Variants in ABCA4 observed in about 807,000 individuals in gnomAD.
ABCA4 encodes the protein ATP binding cassette subfamily A member 4.
ABCA4 carries 196 observed loss-of-function variants against 263.7 expected under a neutral mutation model. That is an observed-to-expected ratio of 0.74 (90% confidence interval 0.66 to 0.84). The LOEUF is 0.84. Among genes scored for constraint, ABCA4 ranks in the 40% least tolerant of loss-of-function variants. The pLI is 0.00. For missense variants in ABCA4, 2,792 were observed against 2,855.1 expected (o/e 0.98, Z 0.50); for synonymous variants, 1,133 against 1,094.2 (o/e 1.04, Z -0.70).
Position 94,121,048 on chromosome 1 carries a change from T to C in ABCA4, c.-3A>G. Reference sequence around the variant, plus strand: ...TGTATCTGTCTCACGAAGCCCATGCTAATGACCACACGAAGACCAGATTGG... The same window carrying C: ...TGTATCTGTCTCACGAAGCCCATGCCAATGACCACACGAAGACCAGATTGG... On this transcript the variant is annotated 5_prime_UTR_variant, in exon 1 of 50. Coordinates refer to ENST00000370225, the MANE Select transcript of ABCA4 (RefSeq NM_000350.3). 6.2e-7 allele frequency: 1 copy of C among 1,614,154 alleles called. No individual in the cohort carries two copies. Among genetic ancestry groups the C allele is most frequent in the Non-Finnish European group, 8.5e-7 (1 of 1,180,034 alleles).
chr1:94,116,968 C>CCCTTTCTTTCTTTCTT (rs1662786208), intron 1 of ABCA4, among the ~76,000 whole-genome samples: 1 of 99,940 alleles, frequency 1.0e-5, no homozygotes, highest in Non-Finnish European at 2.0e-5. Context: ...TTCTTTCTTT[C>CCCTTTCTTTCTTTCTT]TCTTTCTTTC....
At chr1:94,036,038 A>C (rs3789395) in intron 26 of ABCA4, among the ~76,000 whole-genome samples, 74,715 of 151,926 alleles carry the variant, frequency 0.49, 18,813 homozygotes, top group Non-Finnish European at 0.55. Flanking sequence ...CAGGAGACTG[A>C]CGTCTGAGTT....
Position 94,021,299 on chromosome 1 carries a change from T to G in ABCA4, c.4959A>C (p.Gly1653=), listed in dbSNP as rs1659888480. The G allele has an allele frequency of 6.2e-7, 1 of 1,614,208 alleles. No homozygotes were observed. The highest frequency in any genetic ancestry group is 8.5e-7 in the Non-Finnish European group (1 of 1,180,034). The stretch of plus-strand genomic sequence containing the variant: ...TCAGGGGTTGGCTAATGACGGTGAT[T>G]CCATACTCCTCGGGGCTCCTGTCCT... ...LPKDRSPEEY[G]ITVISQPLNL... The change falls in exon 35 of 50, where the codon GGA becomes GGC. Residue 1653 remains glycine, a synonymous_variant. Transcript: ENST00000370225.
intron 1 of ABCA4, among the ~76,000 whole-genome samples, chr1:94,119,356 G>C (rs985567961): frequency 1.3e-5 from 2 of 152,160 alleles, no homozygotes; most frequent in Admixed American, 1.3e-4. Flanking sequence ...GGTTTAACTT[G>C]TCTCTTCCCC....
chr1:94,027,012 G>A (rs1341446364), intron 30 of ABCA4, among the ~76,000 whole-genome samples: 1 of 152,036 alleles, frequency 6.6e-6, no homozygotes, highest in Non-Finnish European at 1.5e-5. Flanking sequence ...GAGTGAGAGA[G>A]TGAGAGATAA....
intron 5 of ABCA4, among the ~76,000 whole-genome samples, chr1:94,099,473 T>C (rs1391287648): frequency 2.6e-5 from 4 of 152,228 alleles, no homozygotes; most frequent in African/African-American, 9.7e-5. Flanking sequence ...TGGTAATTTA[T>C]GACAGCAGCA....
intron 26 of ABCA4, 138 bp from the exon 27 acceptor site, chr1:94,032,181 T>G: frequency 9.6e-7 from 1 of 1,045,416 alleles, no homozygotes; most frequent in Non-Finnish European, 1.4e-6. Context: ...GGTAGCTTAA[T>G]CATCTTTATA....
At chr1:94,036,667 C>T (rs1275111372) in intron 26 of ABCA4, 73 bp downstream of exon 26, 1 of 1,512,230 alleles carries the variant, frequency 6.6e-7, no homozygotes, top group Non-Finnish European at 9.2e-7. Context: ...CTGTGCCCAG[C>T]CCCTTAGACT....
At chr1:94,055,065 A>G in intron 16 of ABCA4, 46 bp downstream of exon 16, 1 of 1,531,520 alleles carries the variant, frequency 6.5e-7, no homozygotes, top group South Asian at 1.1e-5. Context: ...AGGGCTGGGG[A>G]TCTGAAGAAC....
chr1:94,116,968 C>CTCTTTTTCTTTCTT (rs1553197106), intron 1 of ABCA4, among the ~76,000 whole-genome samples: 1 of 99,940 alleles, frequency 1.0e-5, no homozygotes. Flanking sequence ...TTCTTTCTTT[C>CTCTTTTTCTTTCTT]TCTTTCTTTC....
At position 94,001,235 on chromosome 1, in the gene ABCA4, A is replaced by C; in HGVS notation, c.6283-130T>G. Reference sequence around the variant, plus strand: ...CGCACACAGTCACTCCCCTCACTTGAGCAAGACAGGGGTACCCTGGTGTAG... The same window carrying C: ...CGCACACAGTCACTCCCCTCACTTGCGCAAGACAGGGGTACCCTGGTGTAG... On this transcript the variant is annotated intron_variant, in intron 45 of 49. Transcript: ENST00000370225. The C allele has an allele frequency of 4.2e-6, 3 of 722,020 alleles. No homozygotes were observed. The East Asian group carries it at 8.0e-5, about 19-fold the overall frequency. 44.7% of individuals were successfully genotyped at this position (722,020 alleles called of 1,614,324 possible).
At chr1:94,037,112 C>T (rs753499463) in intron 25 of ABCA4, 33 bp downstream of exon 25, 17 of 1,608,204 alleles carry the variant, frequency 1.1e-5, no homozygotes, top group Non-Finnish European at 2.6e-6. Context: ...ACTTCTGGCA[C>T]TTGACAGAAA....
intron 44 of ABCA4, among the ~76,000 whole-genome samples, 164 bp from the exon 45 acceptor site, chr1:94,002,156 C>T (rs942429345): frequency 4.6e-5 from 7 of 152,308 alleles, no homozygotes; most frequent in South Asian, 4.1e-4. Context: ...GTGCTTCAGG[C>T]GCCAGACAGG....
chr1:94,084,454 G>A (rs954936344), intron 6 of ABCA4, among the ~76,000 whole-genome samples: 1 of 152,216 alleles, frequency 6.6e-6, no homozygotes, highest in Non-Finnish European at 1.5e-5. Context: ...ACAAACAGGT[G>A]GAGTTAGGCT....
chr1:94,097,946 A>T (rs1156424251), intron 6 of ABCA4, among the ~76,000 whole-genome samples: 1 of 151,964 alleles, frequency 6.6e-6, no homozygotes, highest in Non-Finnish European at 1.5e-5. Flanking sequence ...TTTAGTAGAG[A>T]CGGGGTTTCA....
rs149980779 is a variant in ABCA4 at position 94,045,196 on chromosome 1, G to A, written c.2919-452C>T. 7.8e-3 allele frequency among the ~76,000 whole-genome samples: 1,187 copies of A among 152,314 alleles called. 5 individuals carry two copies. Among genetic ancestry groups the A allele is most frequent in the Non-Finnish European group, 0.013 (912 of 68,024 alleles). On this transcript the variant is annotated intron_variant, in intron 19 of 49. Coordinates refer to ENST00000370225, the MANE Select transcript of ABCA4 (RefSeq NM_000350.3). Reference sequence around the variant, plus strand: ...AAAGCCCGGGTAAGGTCTTGATGAAGGCCAGAACCCTAAGCAGTCCTAGGC... The same window carrying A: ...AAAGCCCGGGTAAGGTCTTGATGAAAGCCAGAACCCTAAGCAGTCCTAGGC...
At chr1:94,054,433 T>C (rs1029911801) in intron 16 of ABCA4, among the ~76,000 whole-genome samples, 9 of 152,104 alleles carry the variant, frequency 5.9e-5, no homozygotes, top group African/African-American at 2.2e-4. Flanking sequence ...GTTATGTAGA[T>C]CTCTTCAGTC....
rs56307710 is a variant in ABCA4 at position 94,014,799 on chromosome 1, T to C, written c.5313-109A>G. On this transcript the variant is annotated intron_variant, in intron 37 of 49. Transcript: ENST00000370225. ...TACACCTGAGGTGATGTGTGTGAAC[T>C]GGCCAGAGTCCCAGGGGACCAGAGA... 0.057 allele frequency: 80,847 copies of C among 1,410,846 alleles called. 2,617 individuals carry two copies. The highest frequency in any genetic ancestry group is 0.18 in the Middle Eastern group (1,002 of 5,436). 87.4% of individuals were successfully genotyped at this position (1,410,846 alleles called of 1,614,324 possible).
intron 35 of ABCA4, 80 bp downstream of exon 35, chr1:94,021,160 G>T: frequency 6.3e-7 from 1 of 1,592,344 alleles, no homozygotes; most frequent in East Asian, 2.2e-5. Context: ...GCACTTCGCG[G>T]TGGTGAGAAT....
Sources: gnomAD v4.1 joint callset for allele counts (sites outside exome capture counted in the v4.1 genomes callset) on GRCh38, gnomAD v4.1.1 for gene constraint, MANE v1.5 for transcripts, NCBI Gene and HGNC (gene_info 2026-07-23, HGNC 2026-07-21) for gene names.